The following KIAA1958 variants were observed in gnomAD, a reference collection of about 807,000 sequenced individuals.
The protein encoded by KIAA1958 is KIAA1958.
KIAA1958 carries 14 observed loss-of-function variants against 47.2 expected under a neutral mutation model. The ratio of observed to expected loss-of-function variants is 0.30; its 90% CI spans 0.20 to 0.46. The LOEUF is 0.46. KIAA1958 is among the 20% of genes least tolerant of loss of function. KIAA1958 has a pLI of 1.00. For missense variants in KIAA1958, 803 were observed against 909.2 expected (o/e 0.88, Z 1.50); for synonymous variants, 354 against 353.3 (o/e 1.00, Z -0.02).
chr9:112,503,657 T>C (rs1048819197), intron 1 of KIAA1958, among the ~76,000 whole-genome samples: 11 of 132,396 alleles, frequency 8.3e-5, no homozygotes, highest in African/African-American at 3.1e-4. Context: ...TCCGCTAGAG[T>C]GAAGGAGGGG....
chr9:112,542,103 A>G (rs140008621), intron 1 of KIAA1958, among the ~76,000 whole-genome samples: 98 of 152,370 alleles, frequency 6.4e-4, no homozygotes, highest in African/African-American at 2.3e-3. Context: ...TACTCTTAAT[A>G]AATCTATTGA....
chr9:112,617,083 C>T (rs938785048), intron 2 of KIAA1958, among the ~76,000 whole-genome samples: 15 of 152,152 alleles, frequency 9.9e-5, no homozygotes, highest in African/African-American at 3.6e-4. Flanking sequence ...AAAGAGGCAC[C>T]TCAAGTCCTT....
chr9:112,545,136 G>GT (rs1322698783), intron 1 of KIAA1958, among the ~76,000 whole-genome samples: 1 of 152,044 alleles, frequency 6.6e-6, no homozygotes, highest in Non-Finnish European at 1.5e-5. Context: ...ACCTTTTAAA[G>GT]TTTCATCCTT....
chr9:112,658,772 A>C (rs903500326), intron 3 of KIAA1958, among the ~76,000 whole-genome samples: 14 of 151,890 alleles, frequency 9.2e-5, no homozygotes, highest in Admixed American at 6.6e-5. Flanking sequence ...ATCCTGGCTA[A>C]CACTGTGAAA....
intron 2 of KIAA1958, chr9:112,617,813 G>A: frequency 3.8e-6 from 5 of 1,301,428 alleles, no homozygotes; most frequent in Non-Finnish European, 5.2e-6. Context: ...AGAGTAGAAA[G>A]TGCATTGTCT....
In KIAA1958 at chr9:112,633,733, G is replaced by A. The variant is rs1588048128; in HGVS notation, c.1172-11917G>A. 2.0e-5 allele frequency among the ~76,000 whole-genome samples: 3 copies of A among 152,076 alleles called. No individual in the cohort carries two copies. In the East Asian group the frequency reaches 5.8e-4, roughly 29 times the overall value. On this transcript the variant is annotated intron_variant, in intron 2 of 3. Transcript: ENST00000337530. The stretch of plus-strand genomic sequence containing the variant: ...CCTTTCAATATACTCTTCCGTGTCT[G>A]GCTTCTTTTGCTTAACATTATGTTT...
intron 2 of KIAA1958, among the ~76,000 whole-genome samples, chr9:112,603,726 AC>A (rs1836176093): frequency 6.6e-6 from 1 of 152,226 alleles, no homozygotes; most frequent in South Asian, 2.1e-4. Context: ...TCAGGGACTT[AC>A]CTTTGACTAC....
chr9:112,521,040 G>C (rs1055735677), intron 1 of KIAA1958, among the ~76,000 whole-genome samples: 2 of 150,448 alleles, frequency 1.3e-5, no homozygotes, highest in African/African-American at 4.9e-5. Flanking sequence ...TTCTTTTGTC[G>C]TGTTTTAAAC....
intron 2 of KIAA1958, among the ~76,000 whole-genome samples, chr9:112,580,758 G>C (rs551965342): frequency 1.3e-5 from 2 of 150,378 alleles, no homozygotes; most frequent in South Asian, 2.1e-4. Context: ...CTGCACTCCA[G>C]CCTGGGCTCC....
intron 2 of KIAA1958, chr9:112,619,104 A>G (rs1319090675): frequency 8.8e-6 from 4 of 454,276 alleles, no homozygotes; most frequent in Non-Finnish European, 1.2e-5. Flanking sequence ...CATAGTATTT[A>G]TAGGCTTAAG....
intron 1 of KIAA1958, among the ~76,000 whole-genome samples, chr9:112,487,581 C>T (rs1000767578): frequency 1.3e-5 from 2 of 152,164 alleles, no homozygotes; most frequent in Non-Finnish European, 2.9e-5. Context: ...TGGTTCAGGG[C>T]TCTGCCCCAC....
intron 3 of KIAA1958, among the ~76,000 whole-genome samples, chr9:112,656,453 A>T (rs1413033624): frequency 6.6e-6 from 1 of 151,456 alleles, no homozygotes; most frequent in Non-Finnish European, 1.5e-5. Context: ...GAGAGGTACC[A>T]TATGAACTGG....
At chr9:112,527,741 A>G (rs1280114195) in intron 1 of KIAA1958, among the ~76,000 whole-genome samples, 1 of 152,114 alleles carries the variant, frequency 6.6e-6, no homozygotes, top group East Asian at 1.9e-4. Flanking sequence ...GTTCAAGACC[A>G]GCCTGGACAA....
chr9:112,516,212 G>A (rs548740273), intron 1 of KIAA1958, among the ~76,000 whole-genome samples: 1 of 152,066 alleles, frequency 6.6e-6, no homozygotes, highest in South Asian at 2.1e-4. Flanking sequence ...GAGAGGCCAA[G>A]GCAGGAGGAT....
At chr9:112,628,076 G>C (rs551333422) in intron 2 of KIAA1958, among the ~76,000 whole-genome samples, 13 of 152,270 alleles carry the variant, frequency 8.5e-5, no homozygotes, top group African/African-American at 2.4e-4. Context: ...AAAATGAGTG[G>C]GGGGAAGCTG....
At chr9:112,577,909 A>G (rs1835677067) in intron 2 of KIAA1958, among the ~76,000 whole-genome samples, 1 of 152,204 alleles carries the variant, frequency 6.6e-6, no homozygotes, top group South Asian at 2.1e-4. Flanking sequence ...CAGAATATAT[A>G]CTGTCATAAA....
chr9:112,499,688 C>CTTTTTTTTTTTT (rs917810043), intron 1 of KIAA1958, among the ~76,000 whole-genome samples: 3 of 130,546 alleles, frequency 2.3e-5, no homozygotes, highest in African/African-American at 5.6e-5. Context: ...ACATTTTTTT[C>CTTTTTTTTTTTT]TTTTTTTTTT....
intron 1 of KIAA1958, among the ~76,000 whole-genome samples, chr9:112,506,569 A>G (rs776012211): frequency 1.6e-4 from 25 of 152,188 alleles, no homozygotes; most frequent in Non-Finnish European, 2.8e-4. Flanking sequence ...CATGTTTGTG[A>G]CTACCTGGGT....
chr9:112,595,958 C>T (rs1419115849), intron 2 of KIAA1958, among the ~76,000 whole-genome samples: 5 of 151,984 alleles, frequency 3.3e-5, no homozygotes, highest in East Asian at 3.9e-4. Context: ...GCTAATTTTG[C>T]ATTTTTAGTA....
Sources: allele counts gnomAD v4.1 joint callset (sites outside exome capture counted in the v4.1 genomes callset), GRCh38; gene constraint gnomAD v4.1.1; transcripts MANE v1.5; gene names NCBI Gene and HGNC (gene_info 2026-07-23, HGNC 2026-07-21).